Variants in NRXN1 observed in about 807,000 individuals in gnomAD.
The protein encoded by NRXN1 is neurexin 1, also known as neurexin-1.
In NRXN1, 39 loss-of-function variants were observed where a neutral mutation model predicts 150.9. The ratio of observed to expected loss-of-function variants is 0.26; its 90% CI spans 0.20 to 0.34. NRXN1 has a LOEUF of 0.34. NRXN1 is among the 10% of genes least tolerant of loss of function. NRXN1 has a pLI of 1.00. For missense variants in NRXN1, 1,815 were observed against 1,949.9 expected (o/e 0.93, Z 1.30); for synonymous variants, 924 against 757.0 (o/e 1.22, Z -3.62).
At chr2:50,819,683 TG>T (rs1341959564) in intron 5 of NRXN1, among the ~76,000 whole-genome samples, 12 of 152,230 alleles carry the variant, frequency 7.9e-5, no homozygotes, top group South Asian at 4.1e-4. Flanking sequence ...TTACATGTTA[TG>T]TTTTTTTTTA....
intron 18 of NRXN1, among the ~76,000 whole-genome samples, chr2:50,182,111 CTT>C (rs10653885): frequency 4.3e-5 from 6 of 138,720 alleles, no homozygotes; most frequent in Non-Finnish European, 7.7e-5. Flanking sequence ...ATTCATTATC[CTT>C]TTTTTTTTTT....
intron 5 of NRXN1, among the ~76,000 whole-genome samples, chr2:50,738,454 T>C (rs551053262): frequency 1.3e-5 from 2 of 152,288 alleles, no homozygotes; most frequent in African/African-American, 4.8e-5. Flanking sequence ...ACTGAAATAA[T>C]GTCACACAAA....
chr2:50,338,083 G>C (rs2077307271), intron 17 of NRXN1, among the ~76,000 whole-genome samples: 1 of 152,090 alleles, frequency 6.6e-6, no homozygotes, highest in African/African-American at 2.4e-5. Context: ...GAATGAGTAG[G>C]GAAACCAAAT....
At chr2:50,742,427 C>A (rs1051677702) in intron 5 of NRXN1, among the ~76,000 whole-genome samples, 1 of 151,436 alleles carries the variant, frequency 6.6e-6, no homozygotes. Flanking sequence ...GGCTCAAGAC[C>A]ATCACCCTGT....
intron 22 of NRXN1, among the ~76,000 whole-genome samples, chr2:49,937,663 G>C (rs1254535166): frequency 4.6e-5 from 7 of 152,168 alleles, no homozygotes; most frequent in Admixed American, 4.6e-4. Context: ...ATTCTAGCCT[G>C]GTACACAGGA....
In NRXN1 at chr2:49,961,115, G is replaced by A. The variant is rs1190967915; in HGVS notation, c.4129-17324C>T. On this transcript the variant is annotated intron_variant, in intron 21 of 22. Coordinates refer to ENST00000401669, the MANE Select transcript of NRXN1 (RefSeq NM_001330078.2). Reference sequence around the variant, plus strand: ...GTGTATGTTCTTCATGTTTTCTAGCGAAAACTTGCTGCAAATGATTCATCA... The same window carrying A: ...GTGTATGTTCTTCATGTTTTCTAGCAAAAACTTGCTGCAAATGATTCATCA... Among the ~76,000 whole-genome samples, 6 of 151,658 alleles carry A rather than the reference G, an allele frequency of 4.0e-5. No homozygotes were observed. In the South Asian group the frequency reaches 8.3e-4, roughly 21 times the overall value.
chr2:50,427,140 C>T (rs1211471946), intron 17 of NRXN1, among the ~76,000 whole-genome samples: 1 of 152,112 alleles, frequency 6.6e-6, no homozygotes, highest in Non-Finnish European at 1.5e-5. Flanking sequence ...TCACTGACAT[C>T]ATCTAAATCT....
intron 5 of NRXN1, among the ~76,000 whole-genome samples, chr2:50,693,484 C>A (rs1692357513): frequency 6.6e-6 from 1 of 152,084 alleles, no homozygotes; most frequent in Admixed American, 6.6e-5. Context: ...TGGACTTCCT[C>A]CTGCCTACAA....
At chr2:50,298,777 T>C (rs2073874086) in intron 17 of NRXN1, among the ~76,000 whole-genome samples, 1 of 152,192 alleles carries the variant, frequency 6.6e-6, no homozygotes. Context: ...GTGAAATGCA[T>C]GTAGCTTAGT....
At chr2:50,937,499 A>C (rs1414188588) in intron 2 of NRXN1, among the ~76,000 whole-genome samples, 6 of 152,154 alleles carry the variant, frequency 3.9e-5, no homozygotes, top group Admixed American at 1.3e-4. Context: ...ACCAGATGTA[A>C]GGAACTCAAT....
chr2:50,969,574 A>G (rs1239486487), intron 2 of NRXN1, among the ~76,000 whole-genome samples: 1 of 152,156 alleles, frequency 6.6e-6, no homozygotes, highest in Non-Finnish European at 1.5e-5. Context: ...GAACTATTTG[A>G]TCTCTCAAAA....
At chr2:50,323,077 A>C (rs1456625745) in intron 17 of NRXN1, among the ~76,000 whole-genome samples, 8 of 152,344 alleles carry the variant, frequency 5.3e-5, no homozygotes. Context: ...CATATCCTTC[A>C]TAAAACTTAT....
chr2:50,026,060 C>T (rs770520719), intron 21 of NRXN1, among the ~76,000 whole-genome samples: 29 of 152,144 alleles, frequency 1.9e-4, no homozygotes, highest in Non-Finnish European at 3.4e-4. Context: ...GGCTTGCAGA[C>T]ATGGCATACT....
chr2:50,810,595 A>C (rs1668079954), intron 5 of NRXN1, among the ~76,000 whole-genome samples: 1 of 152,186 alleles, frequency 6.6e-6, no homozygotes, highest in Non-Finnish European at 1.5e-5. Flanking sequence ...ACATATATTC[A>C]ACTTCCTGAA....
At position 50,768,933 on chromosome 2, in the gene NRXN1, C is replaced by G. The variant is rs573942122; in HGVS notation, c.833-145318G>C. 3.3e-5 allele frequency among the ~76,000 whole-genome samples: 5 copies of G among 151,818 alleles called. No individual in the cohort carries two copies. The East Asian group carries it at 9.8e-4, about 30-fold the overall frequency. On this transcript the variant is annotated intron_variant, in intron 5 of 22. Coordinates refer to ENST00000401669, the MANE Select transcript of NRXN1 (RefSeq NM_001330078.2). ...CAACAACAACACACACACACACACA[C>G]ACATACACACACACACTCTGAACTT... is the stretch of plus-strand genomic sequence containing the variant.
intron 5 of NRXN1, among the ~76,000 whole-genome samples, chr2:50,847,027 G>C (rs1673755621): frequency 6.6e-6 from 1 of 152,080 alleles, no homozygotes; most frequent in African/African-American, 2.4e-5. Flanking sequence ...AGACCTGTCG[G>C]ATCAGATTCT....
At chr2:50,775,178 C>T (rs539654948) in intron 5 of NRXN1, among the ~76,000 whole-genome samples, 1 of 152,234 alleles carries the variant, frequency 6.6e-6, no homozygotes, top group African/African-American at 2.4e-5. Flanking sequence ...ATTTCAATCT[C>T]CATCCAGGCC....
intron 17 of NRXN1, among the ~76,000 whole-genome samples, chr2:50,446,406 C>T (rs2086406045): frequency 7.8e-6 from 1 of 127,654 alleles, no homozygotes; most frequent in South Asian, 3.0e-4. Flanking sequence ...CCCTGCTTGC[C>T]CCTTCCTTCC....
chr2:50,106,787 T>C (rs543000325), intron 18 of NRXN1, among the ~76,000 whole-genome samples: 35 of 152,046 alleles, frequency 2.3e-4, no homozygotes, highest in Admixed American at 2.0e-3. Flanking sequence ...TCAAGAAAGA[T>C]TTATAAACTT....
Sources: allele counts gnomAD v4.1 joint callset (sites outside exome capture counted in the v4.1 genomes callset), GRCh38; gene constraint gnomAD v4.1.1; transcripts MANE v1.5; gene names NCBI Gene and HGNC (gene_info 2026-07-23, HGNC 2026-07-21).